The following TMC1 variants were observed in gnomAD, a reference collection of about 807,000 sequenced individuals.
The protein encoded by TMC1 is transmembrane channel-like protein 1.
Under a neutral mutation model 105.8 loss-of-function variants are expected in TMC1, and 84 were observed. The ratio of observed to expected loss-of-function variants is 0.79; its 90% CI spans 0.67 to 0.95. The LOEUF (loss-of-function observed/expected upper bound fraction) is 0.95, where lower values mean the gene tolerates loss of function less well. TMC1 is among the 40% of genes least tolerant of loss of function. The pLI, the probability that TMC1 is intolerant of heterozygous loss-of-function variation, is 0.00. For missense variants in TMC1, 817 were observed against 914.1 expected (o/e 0.89, Z 1.37); for synonymous variants, 315 against 311.5 (o/e 1.01, Z -0.12).
At chr9:72,730,957 A>G (rs1159465922) in intron 8 of TMC1, among the ~76,000 whole-genome samples, 1 of 152,220 alleles carries the variant, frequency 6.6e-6, no homozygotes, top group Non-Finnish European at 1.5e-5. Context: ...AGCAATGGGT[A>G]GTGGCTGTAA....
At chr9:72,811,274 A>C (rs537048850) in intron 18 of TMC1, among the ~76,000 whole-genome samples, 3 of 152,204 alleles carry the variant, frequency 2.0e-5, no homozygotes, top group Non-Finnish European at 4.4e-5. Context: ...ATTTATGGTC[A>C]TAATGTTATC....
intron 11 of TMC1, among the ~76,000 whole-genome samples, chr9:72,753,528 A>C (rs1039846241): frequency 6.6e-6 from 1 of 152,042 alleles, no homozygotes; most frequent in African/African-American, 2.4e-5. Context: ...TGGAGTGCCT[A>C]CGTGTTAGGT....
At chr9:72,719,729 T>C (rs1826987332) in intron 8 of TMC1, among the ~76,000 whole-genome samples, 1 of 152,208 alleles carries the variant, frequency 6.6e-6, no homozygotes, top group Admixed American at 6.5e-5. Flanking sequence ...CATTTTTTCC[T>C]AGCAGTTCAT....
intron 2 of TMC1, among the ~76,000 whole-genome samples, chr9:72,595,967 C>T (rs1160187522): frequency 6.6e-6 from 1 of 151,588 alleles, no homozygotes; most frequent in Non-Finnish European, 1.5e-5. Flanking sequence ...ACCTCTGCCT[C>T]CTGGGTTCAA....
intron 2 of TMC1, among the ~76,000 whole-genome samples, chr9:72,609,987 T>C (rs1824997159): frequency 6.6e-6 from 1 of 152,190 alleles, no homozygotes; most frequent in Non-Finnish European, 1.5e-5. Flanking sequence ...TTGTAACTTT[T>C]CATTTTTGTT....
At chr9:72,755,071 G>A (rs1372688472) in intron 12 of TMC1, among the ~76,000 whole-genome samples, 187 bp downstream of exon 12, 41 of 127,004 alleles carry the variant, frequency 3.2e-4, no homozygotes, top group Admixed American at 1.1e-3. Flanking sequence ...AGGGAGGGAG[G>A]GAGAGAGAGA....
intron 1 of TMC1, among the ~76,000 whole-genome samples, chr9:72,543,416 A>G (rs893314115): frequency 2.6e-5 from 4 of 152,108 alleles, no homozygotes; most frequent in African/African-American, 9.7e-5. Context: ...TAACCTTCTT[A>G]TTGGTCTTCA....
chr9:72,690,212 T>A (rs1468212447), intron 6 of TMC1, among the ~76,000 whole-genome samples: 1 of 152,118 alleles, frequency 6.6e-6, no homozygotes, highest in Non-Finnish European at 1.5e-5. Context: ...TTAACCTCAA[T>A]TGCATACTAA....
intron 5 of TMC1, among the ~76,000 whole-genome samples, chr9:72,677,095 T>C (rs1187193058): frequency 6.6e-6 from 1 of 151,324 alleles, no homozygotes; most frequent in Non-Finnish European, 1.5e-5. Flanking sequence ...AGAGACTTCC[T>C]TTGTTAGCCA....
intron 18 of TMC1, among the ~76,000 whole-genome samples, chr9:72,812,814 G>A (rs573154278): frequency 6.4e-4 from 97 of 152,360 alleles, no homozygotes; most frequent in Admixed American, 1.6e-3. Flanking sequence ...CTGAGATCCT[G>A]AATTGCATTT....
At chr9:72,563,390 G>T (rs1326343009) in intron 1 of TMC1, among the ~76,000 whole-genome samples, 1 of 152,134 alleles carries the variant, frequency 6.6e-6, no homozygotes, top group Non-Finnish European at 1.5e-5. Context: ...AGACTCCAAG[G>T]GGCCAATTCA....
At chr9:72,641,489 C>T (rs1162778374) in intron 4 of TMC1, among the ~76,000 whole-genome samples, 1 of 152,236 alleles carries the variant, frequency 6.6e-6, no homozygotes, top group African/African-American at 2.4e-5. Context: ...AATGGGTCTA[C>T]AAACTCCTGG....
chr9:72,816,941 G>C (rs1828797443), intron 19 of TMC1: 1 of 152,304 alleles, frequency 6.6e-6, no homozygotes, highest in Non-Finnish European at 1.5e-5. Flanking sequence ...CAGATTTCCA[G>C]CCTACAAGCA....
intron 10 of TMC1, among the ~76,000 whole-genome samples, chr9:72,745,904 A>G (rs746561213): frequency 3.9e-5 from 6 of 152,200 alleles, no homozygotes; most frequent in Non-Finnish European, 7.4e-5. Context: ...ACTAGTCACT[A>G]TACAAGATCA....
Position 72,606,265 on chromosome 9 carries a change from T to C in TMC1, c.-305-10103T>C, listed in dbSNP as rs149907069. Among the ~76,000 whole-genome samples, 396 of 152,296 alleles carry C rather than the reference T, an allele frequency of 2.6e-3. 6 individuals carry two copies. The highest frequency in any genetic ancestry group is 8.9e-3 in the African/African-American group (371 of 41,558). ...TCGGCTTCTCCACAGGTTGTCCAGA[T>C]TACCTAATGACATAGCAGCTGGCTT... On this transcript the variant is annotated intron_variant, in intron 2 of 23. Transcript: ENST00000297784.
At chr9:72,554,492 T>C (rs921383731) in intron 1 of TMC1, among the ~76,000 whole-genome samples, 4 of 152,354 alleles carry the variant, frequency 2.6e-5, no homozygotes, top group African/African-American at 9.6e-5. Flanking sequence ...TATGTGTTTT[T>C]TTCTTGGTGA....
intron 5 of TMC1, among the ~76,000 whole-genome samples, chr9:72,657,141 T>G (rs1825896665): frequency 6.6e-6 from 1 of 152,224 alleles, no homozygotes; most frequent in South Asian, 2.1e-4. Context: ...TGTTATTCTA[T>G]CCCACAAATT....
chr9:72,622,459 T>C (rs1030537723), intron 3 of TMC1, among the ~76,000 whole-genome samples: 8 of 152,230 alleles, frequency 5.3e-5, no homozygotes, highest in African/African-American at 1.9e-4. Context: ...CCTTAGTGCC[T>C]TTACTGTTCT....
At chr9:72,532,324 T>G (rs1823510189) in intron 1 of TMC1, among the ~76,000 whole-genome samples, 1 of 151,948 alleles carries the variant, frequency 6.6e-6, no homozygotes, top group South Asian at 2.1e-4. Flanking sequence ...GCAGATCACT[T>G]GAGGTCAGGA....
Sources: gnomAD v4.1 joint callset for allele counts (sites outside exome capture counted in the v4.1 genomes callset) on GRCh38, gnomAD v4.1.1 for gene constraint, MANE v1.5 for transcripts, NCBI Gene and HGNC (gene_info 2026-07-23, HGNC 2026-07-21) for gene names.